INTS4: variants seen among roughly 807,000 people sequenced by gnomAD.
INTS4 encodes the protein MSTP093.
A neutral mutation model predicts 119.5 loss-of-function variants in INTS4; 70 were observed. The observed-to-expected ratio is 0.59, with a 90% CI of 0.48 to 0.71. INTS4 has a LOEUF of 0.71. Among genes scored for constraint, INTS4 ranks in the 30% least tolerant of loss-of-function variants. INTS4 has a pLI of 0.00. For synonymous variants in INTS4, 316 were observed against 419.6 expected (o/e 0.75, Z 3.02); for missense variants, 867 against 1,173.2 (o/e 0.74, Z 3.81).
At chr11:77,966,317 A>AT (rs1263390514) in intron 4 of INTS4, among the ~76,000 whole-genome samples, 1 of 152,124 alleles carries the variant, frequency 6.6e-6, no homozygotes, top group Non-Finnish European at 1.5e-5. Context: ...CCATTTGTCT[A>AT]TTTTTTGTGG....
intron 10 of INTS4, among the ~76,000 whole-genome samples, chr11:77,930,021 T>C (rs973324077): frequency 1.3e-5 from 2 of 152,184 alleles, no homozygotes. Flanking sequence ...AGGAAGCCCT[T>C]TCTTGATTCA....
At position 77,924,811 on chromosome 11, in the gene INTS4, C is replaced by A; in HGVS notation, c.1453G>T (p.Ala485Ser). The A allele has an allele frequency of 1.3e-6, 2 of 1,593,916 alleles. No homozygotes were observed. Among genetic ancestry groups the A allele is most frequent in the Non-Finnish European group, 8.6e-7 (1 of 1,161,642 alleles). The change falls in exon 12 of 23, where the codon GCA (alanine) becomes TCA (serine). Residue 485 changes from alanine (A) to serine (S), a missense_variant. Around this residue, in one of 5 missense-constraint regions of INTS4, gnomAD observed 51 missense variants for 125.5 expected, o/e 0.41. Transcript: ENST00000534064. ...NVSTKEGIHL[A>S]LVELLKNLTK... ...AAATTTTTCAGCAGCTCCACCAATG[C>A]AAGATGAATCCCTTCTTTGGTTGAA... is the stretch of plus-strand genomic sequence containing the variant.
intron 4 of INTS4, among the ~76,000 whole-genome samples, chr11:77,976,940 G>C (rs1024116435): frequency 4.6e-5 from 7 of 152,074 alleles, no homozygotes; most frequent in African/African-American, 1.2e-4. Context: ...GTGGGGGAAG[G>C]GGGGAGGGAT....
rs996129395 is a variant in INTS4, at chr11:77,960,425, A to C, written c.658-34T>G. 2.8e-6 allele frequency: 4 copies of C among 1,437,966 alleles called. No homozygotes were observed. The African/African-American group carries it at 5.6e-5, about 20-fold the overall frequency. 89.1% of individuals were successfully genotyped at this position (1,437,966 alleles called of 1,614,324 possible). ...TAAATATATAGTTTAAGTGCTTGGG[A>C]GGAAAAGAGCAATATTTCCAATGTC... On this transcript the variant is annotated intron_variant, in intron 5 of 22. Transcript: ENST00000534064.
intron 21 of INTS4, among the ~76,000 whole-genome samples, chr11:77,889,832 G>A (rs1238192531): frequency 2.0e-5 from 3 of 152,184 alleles, no homozygotes; most frequent in Non-Finnish European, 2.9e-5. Context: ...TTAGCCTTGC[G>A]TGTGGTAGAG....
At chr11:77,961,170 A>T in intron 4 of INTS4, 32 bp from the exon 5 acceptor site, 3 of 1,522,242 alleles carry the variant, frequency 2.0e-6, no homozygotes, top group Non-Finnish European at 2.6e-6. Flanking sequence ...AGAAAAAAAG[A>T]AAAAGAAAAA....
rs73501888 is a variant in INTS4 at position 77,992,626 on chromosome 11, A to T, written c.55-1327T>A. On this transcript the variant is annotated intron_variant, in intron 1 of 22. Coordinates refer to ENST00000534064, the MANE Select transcript of INTS4 (RefSeq NM_033547.4). ...AGCAATCACCTCCTTACAAATTCAC[A>T]TTTCTATAGAAAAGAGAGTAGAATT... 8.4e-3 allele frequency among the ~76,000 whole-genome samples: 1,275 copies of T among 152,264 alleles called. 24 individuals are homozygous for T. The highest frequency in any genetic ancestry group is 0.029 in the African/African-American group (1,202 of 41,542).
rs1260037523 is a variant in INTS4 at position 77,907,857 on chromosome 11, C to T, written c.1923-47G>A. The T allele has an allele frequency of 3.4e-6, 4 of 1,177,292 alleles. No individual in the cohort carries two copies. In the African/African-American group the frequency reaches 4.6e-5, roughly 13 times the overall value. The allele number at this position is 1,177,292 out of a possible 1,614,324, so 72.9% of individuals were successfully genotyped here. A position where few individuals can be genotyped will look rare whatever the true frequency, so the allele number is the denominator to read the frequency against. On this transcript the variant is annotated intron_variant, in intron 15 of 22. Transcript: ENST00000534064. ...AGGCAAACACAGGATAAGGATAATGCCACCAACATAAAGATCATGTCAAAA... is the reference window on the plus strand; with the variant it reads ...AGGCAAACACAGGATAAGGATAATGTCACCAACATAAAGATCATGTCAAAA...
chr11:77,990,433 C>T (rs763439015), intron 2 of INTS4, among the ~76,000 whole-genome samples: 42 of 152,040 alleles, frequency 2.8e-4, no homozygotes, highest in Non-Finnish European at 5.1e-4. Flanking sequence ...CGCCTGTAAT[C>T]CTAACACTTT....
At chr11:77,966,863 T>C (rs1050707770) in intron 4 of INTS4, among the ~76,000 whole-genome samples, 3 of 152,240 alleles carry the variant, frequency 2.0e-5, no homozygotes, top group Non-Finnish European at 2.9e-5. Flanking sequence ...GCAGATCATT[T>C]TGGGTAATAT....
chr11:77,913,437 G>A (rs1466145032), intron 15 of INTS4, among the ~76,000 whole-genome samples: 3 of 149,716 alleles, frequency 2.0e-5, no homozygotes, highest in Non-Finnish European at 4.4e-5. Context: ...TCAGCCTCCC[G>A]AGTAGCTGGG....
chr11:77,968,623 T>G (rs1461657974), intron 4 of INTS4, among the ~76,000 whole-genome samples: 2 of 152,172 alleles, frequency 1.3e-5, no homozygotes, highest in Admixed American at 1.3e-4. Flanking sequence ...AAACAATATG[T>G]TTTAAAATGG....
intron 2 of INTS4, among the ~76,000 whole-genome samples, chr11:77,985,159 A>G (rs1856407572): frequency 6.6e-6 from 1 of 152,084 alleles, no homozygotes; most frequent in African/African-American, 2.4e-5. Flanking sequence ...CCTTTCCCCA[A>G]ACTTACAGTC....
chr11:77,982,133 T>C (rs1565290557), intron 2 of INTS4, among the ~76,000 whole-genome samples: 1 of 150,032 alleles, frequency 6.7e-6, no homozygotes, highest in Non-Finnish European at 1.5e-5. Context: ...TCATTCTACC[T>C]GTCTTTTTTT....
chr11:77,893,767 C>A (rs1237706812), intron 19 of INTS4, among the ~76,000 whole-genome samples: 3 of 152,032 alleles, frequency 2.0e-5, no homozygotes, highest in Non-Finnish European at 4.4e-5. Context: ...GTGGCAGGCA[C>A]CTGTAGTGCC....
At chr11:77,882,907 C>A (rs907662265) in intron 22 of INTS4, among the ~76,000 whole-genome samples, 11 of 152,034 alleles carry the variant, frequency 7.2e-5, no homozygotes, top group Admixed American at 2.0e-4. Context: ...CCTGTCTCTA[C>A]TAAAATACAA....
rs369323649 is a variant in INTS4, at chr11:77,978,989, C to G, written c.471+7G>C. ...AGGATGGATCTGAATAGATTTTATACTCTTACCTTGCAGGCCACATCAACT... is the reference window on the plus strand; with the variant it reads ...AGGATGGATCTGAATAGATTTTATAGTCTTACCTTGCAGGCCACATCAACT... On this transcript the variant is annotated splice_region_variant and intron_variant, in intron 4 of 22. Transcript: ENST00000534064. The G allele has an allele frequency of 7.6e-6, 12 of 1,573,542 alleles. No homozygotes were observed. In the African/African-American group the frequency reaches 1.6e-4, roughly 21 times the overall value.
At chr11:77,921,300 T>A (rs1953355425) in intron 14 of INTS4, 40 bp downstream of exon 14, 4 of 1,600,898 alleles carry the variant, frequency 2.5e-6, no homozygotes, top group Non-Finnish European at 3.4e-6. Flanking sequence ...CCCTACCCCA[T>A]GCAAAATAAA....
chr11:77,892,676 G>A (rs202072995), intron 19 of INTS4, among the ~76,000 whole-genome samples: 2 of 152,088 alleles, frequency 1.3e-5, no homozygotes, highest in African/African-American at 2.4e-5. Context: ...TCCGCCTCCC[G>A]GGTTCAAGCA....
Sources: gnomAD v4.1 joint callset for allele counts (sites outside exome capture counted in the v4.1 genomes callset) on GRCh38, gnomAD v4.1.1 for gene constraint, gnomAD v4.1.1 regional missense constraint, MANE v1.5 for transcripts, NCBI Gene and HGNC (gene_info 2026-07-23, HGNC 2026-07-21) for gene names.